LYRM4: variants seen among roughly 807,000 people sequenced by gnomAD.
The protein encoded by LYRM4 is LYR motif-containing protein 4.
Under a neutral mutation model 11.7 loss-of-function variants are expected in LYRM4, and 9 were observed. The ratio of observed to expected loss-of-function variants is 0.77; its 90% CI spans 0.46 to 1.34. The LOEUF is 1.34. Among genes scored for constraint, LYRM4 ranks in the 40% most tolerant of loss-of-function variants. LYRM4 has a pLI of 0.00. For missense variants in LYRM4, 133 were observed against 112.5 expected, an observed-to-expected ratio of 1.18 and a Z score of -0.82; for synonymous variants, 42 against 40.4, an observed-to-expected ratio of 1.04 and a Z score of -0.15.
At chr6:5,201,905 G>C (rs911871747) in intron 2 of LYRM4, among the ~76,000 whole-genome samples, 1 of 152,176 alleles carries the variant, frequency 6.6e-6, no homozygotes, top group Admixed American at 6.5e-5. Flanking sequence ...TACTGGCTGC[G>C]GAGTCTTAAG....
At chr6:5,208,962 T>C (rs1017914874) in intron 2 of LYRM4, among the ~76,000 whole-genome samples, 3 of 152,212 alleles carry the variant, frequency 2.0e-5, no homozygotes, top group East Asian at 1.9e-4. Context: ...CCAAAAGATA[T>C]AGGGTTCACT....
chr6:5,066,992 T>C, the LYRM4 span: 6 of 863,406 alleles, frequency 6.9e-6, no homozygotes, highest in Non-Finnish European at 9.8e-6. Flanking sequence ...TGTCTTTGTC[T>C]CTCAGGCCCG....
intron 2 of LYRM4, among the ~76,000 whole-genome samples, chr6:5,167,441 A>C (rs1759150440): frequency 6.6e-6 from 1 of 152,176 alleles, no homozygotes; most frequent in Non-Finnish European, 1.5e-5. Flanking sequence ...AACACTAATA[A>C]GTACACCATA....
intron 2 of LYRM4, among the ~76,000 whole-genome samples, chr6:5,123,558 G>T (rs1763562861): frequency 1.3e-5 from 2 of 152,350 alleles, no homozygotes; most frequent in South Asian, 4.1e-4. Context: ...GCATGCCCTG[G>T]CCTTGTGGTC....
chr6:5,089,237 A>G, the LYRM4 span: 1 of 152,240 alleles, frequency 6.6e-6, no homozygotes, highest in Non-Finnish European at 1.5e-5. Flanking sequence ...TACTAAATAT[A>G]AAAGCTATGA....
the LYRM4 span, among the ~76,000 whole-genome samples, chr6:5,094,172 A>G: frequency 6.6e-6 from 1 of 152,178 alleles, no homozygotes; most frequent in Non-Finnish European, 1.5e-5. Flanking sequence ...AAAAAACCTC[A>G]TTTACCTCTG....
the LYRM4 span, among the ~76,000 whole-genome samples, chr6:5,056,383 A>G: frequency 2.0e-5 from 3 of 152,148 alleles, no homozygotes; most frequent in Non-Finnish European, 4.4e-5. Flanking sequence ...CCAAGACTAA[A>G]CTGGATGTCA....
At chr6:5,142,829 C>A (rs1025401385) in intron 2 of LYRM4, among the ~76,000 whole-genome samples, 1 of 152,226 alleles carries the variant, frequency 6.6e-6, no homozygotes, top group Non-Finnish European at 1.5e-5. Context: ...CCCTACGCTG[C>A]CTCGTAACTT....
Position 5,185,523 on chromosome 6 carries a change from C to T in LYRM4, c.207+31095G>A, listed in dbSNP as rs79759646. Among the ~76,000 whole-genome samples the T allele has an allele frequency of 1.8e-3, 267 of 152,296 alleles. 2 individuals are homozygous for T. Among genetic ancestry groups the T allele is most frequent in the Middle Eastern group, 6.8e-3 (2 of 294 alleles). On this transcript the variant is annotated intron_variant, in intron 2 of 2. Coordinates refer to ENST00000330636, the MANE Select transcript of LYRM4 (RefSeq NM_020408.6). The stretch of plus-strand genomic sequence containing the variant: ...CATCCGAGATGGGCTGCATCAAGTG[C>T]ACAGTGTAACACCTGACACCAAGTG...
At position 5,216,617 on chromosome 6, in the gene LYRM4, C is replaced by T; in HGVS notation, c.207+1G>A. ...AACAGTACATCATTGAACCATCTTA[C>T]CTGTCGACGAATTACTCCAAGGTCT... On this transcript the variant is annotated splice_donor_variant, in intron 2 of 2. Coordinates refer to ENST00000330636, the MANE Select transcript of LYRM4 (RefSeq NM_020408.6). LOFTEE classifies it high-confidence loss of function. 1.2e-6 allele frequency: 2 copies of T among 1,613,994 alleles called. No individual in the cohort carries two copies. The highest frequency in any genetic ancestry group is 1.7e-6 in the Non-Finnish European group (2 of 1,180,002).
intron 2 of LYRM4, among the ~76,000 whole-genome samples, chr6:5,179,672 C>T (rs774881738): frequency 1.2e-4 from 19 of 152,212 alleles, no homozygotes; most frequent in Non-Finnish European, 2.1e-4. Flanking sequence ...ATTCATCCAT[C>T]CATGGACACT....
chr6:5,249,732 C>T (rs1364582095), intron 1 of LYRM4, among the ~76,000 whole-genome samples: 1 of 152,178 alleles, frequency 6.6e-6, no homozygotes, highest in East Asian at 1.9e-4. Context: ...GTTCATGTAA[C>T]TTACCTAGTT....
At chr6:5,071,125 G>A in the LYRM4 span, among the ~76,000 whole-genome samples, 1 of 151,574 alleles carries the variant, frequency 6.6e-6, no homozygotes, top group Non-Finnish European at 1.5e-5. Flanking sequence ...GGAGGCAGAG[G>A]TTGCAGTGAA....
chr6:5,141,713 G>C (rs922420972), intron 2 of LYRM4, among the ~76,000 whole-genome samples: 2 of 152,140 alleles, frequency 1.3e-5, no homozygotes, highest in Non-Finnish European at 2.9e-5. Flanking sequence ...GGATTCTAGA[G>C]CTTTTGAGGG....
At chr6:5,055,046 C>T in the LYRM4 span, among the ~76,000 whole-genome samples, 1 of 152,156 alleles carries the variant, frequency 6.6e-6, no homozygotes, top group Non-Finnish European at 1.5e-5. This position sits in a 1 kb window ranked among gnomAD's most constrained non-coding sequence, Gnocchi z 4.5. Flanking sequence ...CTCTCTGAAA[C>T]CTGCTATTTG....
the LYRM4 span, chr6:5,066,468 A>AT: frequency 1.3e-6 from 1 of 760,252 alleles, no homozygotes; most frequent in Non-Finnish European, 2.5e-6. Context: ...ATTCTGAAAG[A>AT]GCCCTTGAGA....
At chr6:5,097,873 A>G in the LYRM4 span, among the ~76,000 whole-genome samples, 3 of 152,244 alleles carry the variant, frequency 2.0e-5, no homozygotes, top group African/African-American at 7.2e-5. Context: ...TCACTTACAT[A>G]CACTGCGTTT....
intron 1 of LYRM4, among the ~76,000 whole-genome samples, chr6:5,242,111 C>T (rs1763916586): frequency 6.6e-6 from 1 of 151,140 alleles, no homozygotes; most frequent in South Asian, 2.1e-4. Flanking sequence ...CTCACTCTGC[C>T]ACCCAGGCTG....
chr6:5,167,333 C>T (rs1308256360), intron 2 of LYRM4, among the ~76,000 whole-genome samples: 1 of 152,152 alleles, frequency 6.6e-6, no homozygotes, highest in Non-Finnish European at 1.5e-5. Context: ...TAGTCTTATA[C>T]CAGAAAATGT....
Sources: gnomAD v4.1 joint callset for allele counts (sites outside exome capture counted in the v4.1 genomes callset) on GRCh38, gnomAD v4.1.1 for gene constraint, Gnocchi (gnomAD v3.1) non-coding constraint, MANE v1.5 for transcripts, NCBI Gene and HGNC (gene_info 2026-07-23, HGNC 2026-07-21) for gene names.